The following AKAP7 variants were observed in gnomAD, a reference collection of about 807,000 sequenced individuals.
The protein encoded by AKAP7 is A kinase (PRKA) anchor protein 7.
AKAP7 carries 39 observed loss-of-function variants against 39.5 expected under a neutral mutation model. The observed-to-expected ratio is 0.99, with a 90% CI of 0.76 to 1.29. The LOEUF (loss-of-function observed/expected upper bound fraction) is 1.29. AKAP7 is among the 50% of genes most tolerant of loss of function. The pLI is 0.00. For synonymous variants in AKAP7, 140 were observed against 139.1 expected (o/e 1.01, Z -0.05); for missense variants, 414 against 407.7 (o/e 1.02, Z -0.13).
In AKAP7 at chr6:131,282,091, GACT is replaced by G; in HGVS notation, c.*369_*371del. The G allele has an allele frequency of 8.7e-7, 1 of 1,144,314 alleles. No homozygotes were observed. Among genetic ancestry groups the G allele is most frequent in the Non-Finnish European group, 1.1e-6 (1 of 933,100 alleles). 70.9% of individuals were successfully genotyped at this position (1,144,314 alleles called of 1,614,324 possible). A position where few individuals can be genotyped will look rare whatever the true frequency, so the allele number is the denominator to read the frequency against. ...ATTTATATTGCTTAGCAGGGCATTT[GACT>G]ACTTTATCTGAGGCCAGAACTCTCA... On this transcript the variant is annotated 3_prime_UTR_variant, in exon 8 of 8. Transcript: ENST00000431975.
At position 131,199,532 on chromosome 6, in the gene AKAP7, A is replaced by T. The variant is rs1317432543; in HGVS notation, c.661A>T (p.Thr221Ser). The T allele has an allele frequency of 6.2e-7, 1 of 1,611,948 alleles. No individual in the cohort carries two copies. The highest frequency in any genetic ancestry group is 8.5e-7 in the Non-Finnish European group (1 of 1,178,210). ...GESRSFKPHLTFMKLSKSPWL... is the reference protein window; with the variant it reads ...GESRSFKPHLSFMKLSKSPWL... ...GAGCAGAAGTTTTAAACCTCATTTG[A>T]CCTTCATGAAGTTGTCAAAATCACC... The change falls in exon 6 of 8, where the codon ACC (threonine) becomes TCC (serine). Residue 221 changes from threonine (T) to serine (S), a missense_variant. By Grantham distance (58) the Thr-to-Ser change is moderately conservative (BLOSUM62 1). Transcript: ENST00000431975.
chr6:131,136,716 CTTG>C (rs1386990039), intron 1 of AKAP7: 1 of 275,022 alleles, frequency 3.6e-6, no homozygotes, highest in Non-Finnish European at 5.5e-6. Context: ...ACACTATTAA[CTTG>C]TTTTGTCCAT....
chr6:131,227,915 C>T (rs1429574650), intron 7 of AKAP7, among the ~76,000 whole-genome samples: 1 of 152,148 alleles, frequency 6.6e-6, no homozygotes, highest in East Asian at 1.9e-4. Flanking sequence ...TCTTAAAAGG[C>T]TTGTTGTGGT....
chr6:131,142,436 A>T (rs1801125272), intron 1 of AKAP7, among the ~76,000 whole-genome samples: 1 of 152,212 alleles, frequency 6.6e-6, no homozygotes, highest in African/African-American at 2.4e-5. Flanking sequence ...GTCACTTTGG[A>T]GAGCACAAGC....
intron 5 of AKAP7, among the ~76,000 whole-genome samples, chr6:131,176,849 AC>A (rs1026578746): frequency 6.6e-6 from 1 of 152,050 alleles, no homozygotes; most frequent in African/African-American, 2.4e-5. Flanking sequence ...CAGCCTGCTA[AC>A]CGTTCCCCTA....
rs149068285 is a variant in AKAP7, at chr6:131,257,787, C to T, written c.851-23743C>T. 6.6e-5 allele frequency among the ~76,000 whole-genome samples: 10 copies of T among 152,230 alleles called. No homozygotes were observed. In the East Asian group the frequency reaches 1.9e-3, roughly 29 times the overall value. On this transcript the variant is annotated intron_variant, in intron 7 of 7. Transcript: ENST00000431975. ...AAGTAAGCCTAGGGAAGGAGAGAGT[C>T]CTGATGAGTGTCTGAGCCTCTGAGT... is the stretch of plus-strand genomic sequence containing the variant.
intron 7 of AKAP7, among the ~76,000 whole-genome samples, chr6:131,233,367 C>T (rs914480159): frequency 6.6e-6 from 1 of 152,116 alleles, no homozygotes; most frequent in African/African-American, 2.4e-5. Context: ...TCCAGCTGAG[C>T]AACTTTTTGC....
At chr6:131,232,755 G>T (rs1375378428) in intron 7 of AKAP7, among the ~76,000 whole-genome samples, 1 of 151,890 alleles carries the variant, frequency 6.6e-6, no homozygotes, top group Non-Finnish European at 1.5e-5. Context: ...TCACCCCACC[G>T]CACTCTAGTT....
At chr6:131,161,686 T>TAAAAAAAAAAAAAAAAAAAAAA (rs1392090781) in intron 3 of AKAP7, among the ~76,000 whole-genome samples, 4 of 78,940 alleles carry the variant, frequency 5.1e-5, no homozygotes, top group South Asian at 4.2e-4. Flanking sequence ...AAAAAAAAAT[T>TAAAAAAAAAAAAAAAAAAAAAA]AAAGGTCCTA....
At chr6:131,205,473 C>G (rs898384555) in intron 6 of AKAP7, among the ~76,000 whole-genome samples, 1 of 152,032 alleles carries the variant, frequency 6.6e-6, no homozygotes, top group Non-Finnish European at 1.5e-5. Flanking sequence ...CTGGTAGGCA[C>G]TTGTTGGCAG....
chr6:131,239,128 G>A (rs989777223), intron 7 of AKAP7, among the ~76,000 whole-genome samples: 4 of 152,140 alleles, frequency 2.6e-5, no homozygotes, highest in African/African-American at 7.2e-5. Context: ...CTCAGCATTT[G>A]CTTGTCTGTA....
intron 5 of AKAP7, among the ~76,000 whole-genome samples, chr6:131,192,431 T>C (rs1334466961): frequency 6.6e-6 from 1 of 152,224 alleles, no homozygotes; most frequent in Non-Finnish European, 1.5e-5. Context: ...TTCTCTATTC[T>C]GCTCCATTGA....
intron 7 of AKAP7, among the ~76,000 whole-genome samples, chr6:131,223,478 A>G (rs1049065868): frequency 3.3e-5 from 5 of 152,232 alleles, no homozygotes. Flanking sequence ...GAAGATATTC[A>G]GTATGTCGTT....
At chr6:131,159,216 C>A (rs1802706172) in intron 2 of AKAP7, among the ~76,000 whole-genome samples, 1 of 152,144 alleles carries the variant, frequency 6.6e-6, no homozygotes, top group South Asian at 2.1e-4. Context: ...GCCTCAGCCT[C>A]CTGAGGAGCT....
chr6:131,224,897 T>A (rs973194710), intron 7 of AKAP7, among the ~76,000 whole-genome samples: 2 of 151,634 alleles, frequency 1.3e-5, no homozygotes, highest in African/African-American at 4.8e-5. Context: ...ACTACAAGTG[T>A]GCGCCACCAT....
chr6:131,190,106 C>T (rs1278192099), intron 5 of AKAP7, among the ~76,000 whole-genome samples: 1 of 152,260 alleles, frequency 6.6e-6, no homozygotes, highest in Middle Eastern at 3.4e-3. Context: ...ATAGATTATA[C>T]TACTGTTAGG....
intron 7 of AKAP7, among the ~76,000 whole-genome samples, chr6:131,241,577 A>ATATATGTG (rs1349874555): frequency 1.1e-3 from 93 of 81,184 alleles, no homozygotes; most frequent in Middle Eastern, 5.3e-3. Flanking sequence ...GATTATATAT[A>ATATATGTG]TGTGTGTGTG....
chr6:131,256,695 C>T (rs1374155227), intron 7 of AKAP7, among the ~76,000 whole-genome samples: 2 of 141,494 alleles, frequency 1.4e-5, no homozygotes, highest in Admixed American at 1.5e-4. Flanking sequence ...ATCTGAATTA[C>T]TCCTTCCTGG....
chr6:131,227,680 G>T (rs1810292937), intron 7 of AKAP7, among the ~76,000 whole-genome samples: 1 of 152,190 alleles, frequency 6.6e-6, no homozygotes, highest in South Asian at 2.1e-4. Context: ...CCAGGAAAGA[G>T]TTCTAGATAA....
Sources: gnomAD v4.1 joint callset for allele counts (sites outside exome capture counted in the v4.1 genomes callset) on GRCh38, gnomAD v4.1.1 for gene constraint, MANE v1.5 for transcripts, NCBI Gene and HGNC (gene_info 2026-07-23, HGNC 2026-07-21) for gene names.